CTBP2: variants seen among roughly 807,000 people sequenced by gnomAD.
CTBP2 encodes the protein C-terminal-binding protein 2.
In CTBP2, 30 loss-of-function variants were observed where a neutral mutation model predicts 80.3. That is an observed-to-expected ratio of 0.37 (90% CI 0.28 to 0.51). The LOEUF (loss-of-function observed/expected upper bound fraction) is 0.51, where lower values mean the gene tolerates loss of function less well. Ranked by LOEUF, CTBP2 falls within the 20% of genes least tolerant of loss-of-function variation. CTBP2 has a pLI of 0.93. For missense variants in CTBP2, 1,212 were observed against 1,375.3 expected, an observed-to-expected ratio of 0.88 and a Z score of 1.88; for synonymous variants, 594 against 587.4, an observed-to-expected ratio of 1.01 and a Z score of -0.16.
chr10:125,106,695 C>A (rs1248260104), intron 2 of CTBP2, among the ~76,000 whole-genome samples: 1 of 152,220 alleles, frequency 6.6e-6, no homozygotes, highest in South Asian at 2.1e-4. Context: ...AGCGAAGGAG[C>A]AACTCAGCAG....
chr10:125,030,514 C>T (rs1338640672), upstream of CTBP2, among the ~76,000 whole-genome samples: 7 of 152,174 alleles, frequency 4.6e-5, no homozygotes, highest in East Asian at 1.2e-3. Flanking sequence ...TCAGTGGGTA[C>T]CCTCCGACGG....
At chr10:125,148,161 C>T (rs1004092116) in intron 1 of CTBP2, among the ~76,000 whole-genome samples, 1 of 152,204 alleles carries the variant, frequency 6.6e-6, no homozygotes, top group Non-Finnish European at 1.5e-5. Flanking sequence ...GGCCGAGCCT[C>T]AGTGTTTGAA....
chr10:125,130,870 C>A (rs993854078), intron 1 of CTBP2, among the ~76,000 whole-genome samples: 2 of 152,212 alleles, frequency 1.3e-5, no homozygotes. Flanking sequence ...GGCACCCTGC[C>A]ACCCAGAGAG....
chr10:125,068,981 C>T (rs779400173), intron 2 of CTBP2, among the ~76,000 whole-genome samples: 10 of 152,182 alleles, frequency 6.6e-5, no homozygotes, highest in Non-Finnish European at 1.3e-4. Context: ...ATCCTCCCAT[C>T]GCAGGCTGGG....
rs1589862224 is a variant in CTBP2 at position 124,986,875 on chromosome 10, T to C, written c.*2643A>G. 1 of 100,224 alleles carries C rather than the reference T, an allele frequency of 1.0e-5. No homozygotes were observed. Among genetic ancestry groups the C allele is most frequent in the African/African-American group, 3.9e-5 (1 of 25,740 alleles). The allele number at this position is 100,224 out of a possible 1,614,324, so 6.2% of individuals were successfully genotyped here. ...AAGCATGTAGCCATTGCAGTCTGCA[T>C]TGCAGCCAGCGTTGTCCAGAGTACA... is the stretch of plus-strand genomic sequence containing the variant. On this transcript the variant is annotated 3_prime_UTR_variant, in exon 9 of 9. Coordinates refer to ENST00000309035, the MANE Select transcript of CTBP2 (RefSeq NM_022802.3).
intron 2 of CTBP2, among the ~76,000 whole-genome samples, chr10:125,089,981 AC>A (rs1222132405): frequency 6.6e-6 from 1 of 152,108 alleles, no homozygotes; most frequent in East Asian, 1.9e-4. Context: ...ACTGGTGGGA[AC>A]CTGGGGGCCA....
intron 4 of CTBP2, chr10:124,996,804 C>T (rs180855983): frequency 6.6e-5 from 10 of 152,226 alleles, no homozygotes; most frequent in Admixed American, 2.0e-4. Flanking sequence ...CCAGTGGGGC[C>T]CGGACAGAGG....
Position 125,126,924 on chromosome 10 carries a change from TTCTCTCTC to T in CTBP2, c.-205-15839_-205-15832del, listed in dbSNP as rs67378138. ...CCACACACGTGCATACACACACACA[TTCTCTCTC>T]TCTCTCTCTCTCTCTCTACTCTACT... On this transcript the variant is annotated intron_variant, in intron 1 of 10. Transcript: ENST00000337195. 1.0e-3 allele frequency among the ~76,000 whole-genome samples: 142 copies of T among 138,650 alleles called. 2 individuals carry two copies. The highest frequency in any genetic ancestry group is 3.3e-3 in the African/African-American group (126 of 38,442). The allele number at this position is 138,650 out of a possible 152,430, so 91.0% of individuals were successfully genotyped here. A position where few individuals can be genotyped will look rare whatever the true frequency, so the allele number is the denominator to read the frequency against.
rs1957543090 is a variant in CTBP2, at chr10:125,026,301, G to A, written c.1459C>T (p.Pro487Ser). Residue 487 changes from proline to serine, a missense_variant, in exon 1 of 9, where the codon CCC (proline) becomes TCC (serine). By Grantham distance (74) the Pro-to-Ser change is moderately conservative (BLOSUM62 -1). This residue lies in a region of CTBP2 where 848 missense variants were observed against 782.3 expected (regional missense o/e 1.08). Transcript: ENST00000309035. ...CGCTCCCTCTTTAGCAGCTCCATGGGCACCGTGTATGCCGTGGAGTAGGCT... is the reference window on the plus strand; with the variant it reads ...CGCTCCCTCTTTAGCAGCTCCATGGACACCGTGTATGCCGTGGAGTAGGCT... 6.2e-7 allele frequency: 1 copy of A among 1,613,940 alleles called. No homozygotes were observed.
chr10:125,119,120 G>C (rs1316405803), intron 1 of CTBP2, among the ~76,000 whole-genome samples: 1 of 152,136 alleles, frequency 6.6e-6, no homozygotes, highest in African/African-American at 2.4e-5. Context: ...ATCTAACAAG[G>C]GCCAGACTAT....
intron 2 of CTBP2, among the ~76,000 whole-genome samples, chr10:125,064,063 T>A (rs199844879): frequency 6.8e-6 from 1 of 147,328 alleles, no homozygotes; most frequent in African/African-American, 2.5e-5. Context: ...ATTAAAAAAA[T>A]AAATCACTGC....
chr10:125,075,344 T>C (rs1590576617), intron 2 of CTBP2, among the ~76,000 whole-genome samples: 1 of 152,290 alleles, frequency 6.6e-6, no homozygotes, highest in East Asian at 1.9e-4. Context: ...GATTAGGCCA[T>C]GAGGCTCTAC....
intron 2 of CTBP2, among the ~76,000 whole-genome samples, chr10:125,058,400 CCT>C (rs753402906): frequency 1.7e-4 from 26 of 152,320 alleles, no homozygotes; most frequent in Admixed American, 1.3e-3. Context: ...TTCCTCTCCC[CCT>C]GAGTTTTGCC....
intron 3 of CTBP2, chr10:125,000,087 A>T (rs1954246537): frequency 6.6e-6 from 1 of 152,364 alleles, no homozygotes; most frequent in African/African-American, 2.4e-5. Flanking sequence ...ACATCTGGTC[A>T]GTCTTCTCAC....
chr10:125,076,705 G>A (rs924797913), intron 2 of CTBP2, among the ~76,000 whole-genome samples: 2 of 152,210 alleles, frequency 1.3e-5, no homozygotes, highest in African/African-American at 2.4e-5. Context: ...TCAGGTCGGC[G>A]TTGTTCTGAG....
chr10:125,034,627 T>C (rs957692296), intron 3 of CTBP2, among the ~76,000 whole-genome samples: 39 of 152,256 alleles, frequency 2.6e-4, no homozygotes, highest in African/African-American at 8.9e-4. Flanking sequence ...TAGAACTGTT[T>C]GTGGACTACC....
At chr10:125,001,892 T>A (rs1383415463) in intron 3 of CTBP2, among the ~76,000 whole-genome samples, 1 of 152,194 alleles carries the variant, frequency 6.6e-6, no homozygotes, top group Non-Finnish European at 1.5e-5. Flanking sequence ...CTGGAGCCCA[T>A]GGGGGTGGCC....
rs1957755517 is a variant in CTBP2, at chr10:125,027,454, G to A, written c.306C>T (p.Arg102=). 3 of 1,614,174 alleles carry A rather than the reference G, an allele frequency of 1.9e-6. No individual in the cohort carries two copies. The African/African-American group carries it at 4.0e-5, about 22-fold the overall frequency. ...AGTACTCCCGTGGCAGCAGGGGGCT[G>A]CGACCAGACATCACTGCCTGTCTGC... The change falls in exon 1 of 9, where the codon CGC becomes CGT. Residue 102 remains arginine (R), a synonymous_variant. Transcript: ENST00000309035.
chr10:125,067,804 C>T (rs911361565), intron 2 of CTBP2, among the ~76,000 whole-genome samples: 2 of 152,210 alleles, frequency 1.3e-5, no homozygotes, highest in Admixed American at 6.5e-5. Flanking sequence ...CATCAAGTCC[C>T]ATGGGCAGGG....
Sources: gnomAD v4.1 joint callset for allele counts (sites outside exome capture counted in the v4.1 genomes callset) on GRCh38, gnomAD v4.1.1 for gene constraint, gnomAD v4.1.1 regional missense constraint, MANE v1.5 for transcripts, NCBI Gene and HGNC (gene_info 2026-07-23, HGNC 2026-07-21) for gene names.